The following PIGL variants were observed in gnomAD, a reference collection of about 807,000 sequenced individuals.
The protein encoded by PIGL is N-acetylglucosaminyl-phosphatidylinositol de-N-acetylase.
PIGL carries 22 observed loss-of-function variants against 31.1 expected under a neutral mutation model. The ratio of observed to expected loss-of-function variants is 0.71; its 90% CI spans 0.51 to 1.01. PIGL has a LOEUF of 1.01. Ranked by LOEUF, PIGL falls within the 50% of genes least tolerant of loss-of-function variation. The pLI, the probability that PIGL is intolerant of heterozygous loss-of-function variation, is 0.00. For synonymous variants in PIGL, 131 were observed against 117.4 expected, an observed-to-expected ratio of 1.12 and a Z score of -0.75; for missense variants, 302 against 315.9, an observed-to-expected ratio of 0.96 and a Z score of 0.33.
intron 2 of PIGL, among the ~76,000 whole-genome samples, chr17:16,270,417 G>T (rs1325492208): frequency 2.0e-5 from 3 of 151,542 alleles, no homozygotes; most frequent in Non-Finnish European, 4.4e-5. Context: ...GATCCTCTGT[G>T]ATCCAACAAT....
At chr17:16,292,608 A>G (rs1048839007) in intron 2 of PIGL, among the ~76,000 whole-genome samples, 1 of 152,236 alleles carries the variant, frequency 6.6e-6, no homozygotes, top group Non-Finnish European at 1.5e-5. Context: ...CAACCTTTTT[A>G]CAATACTAAA....
intron 1 of PIGL, among the ~76,000 whole-genome samples, chr17:16,228,349 C>T (rs753374076): frequency 6.6e-5 from 10 of 151,882 alleles, no homozygotes; most frequent in Non-Finnish European, 1.0e-4. Flanking sequence ...TGAGCCACTG[C>T]GCCCAGCGAT....
At chr17:16,267,794 G>T (rs2092851383) in intron 2 of PIGL, among the ~76,000 whole-genome samples, 1 of 152,094 alleles carries the variant, frequency 6.6e-6, no homozygotes, top group South Asian at 2.1e-4. Flanking sequence ...CCCAAGTTTA[G>T]ACTCAATATC....
intron 1 of PIGL, among the ~76,000 whole-genome samples, chr17:16,233,305 G>A (rs1159442113): frequency 6.6e-6 from 1 of 152,020 alleles, no homozygotes; most frequent in Non-Finnish European, 1.5e-5. Context: ...TTATTTGTAA[G>A]GTTACAGAGG....
At chr17:16,266,885 C>T (rs2092846018) in intron 2 of PIGL, among the ~76,000 whole-genome samples, 1 of 143,162 alleles carries the variant, frequency 7.0e-6, no homozygotes, top group African/African-American at 2.6e-5. Flanking sequence ...GCGTGAGCCA[C>T]CACGCCTTGC....
At chr17:16,308,870 C>G (rs971960807) in intron 3 of PIGL, among the ~76,000 whole-genome samples, 3 of 139,332 alleles carry the variant, frequency 2.2e-5, no homozygotes, top group Non-Finnish European at 4.5e-5. Flanking sequence ...CTCACTGTAA[C>G]CTTGGACCCC....
intron 2 of PIGL, among the ~76,000 whole-genome samples, chr17:16,254,590 T>G (rs913158317): frequency 8.7e-5 from 12 of 138,410 alleles, no homozygotes; most frequent in Non-Finnish European, 1.1e-4. Context: ...TTTTTGTTTG[T>G]TTGGTTGGTT....
intron 2 of PIGL, among the ~76,000 whole-genome samples, chr17:16,240,667 C>CT (rs1162915278): frequency 7.5e-4 from 109 of 145,134 alleles, no homozygotes; most frequent in Middle Eastern, 3.5e-3. Context: ...TGCCAGCTAC[C>CT]TTTTTTTTTT....
rs539529105 is a variant in PIGL at position 16,218,789 on chromosome 17, C to G, written c.235+1328C>G. On this transcript the variant is annotated intron_variant, in intron 1 of 6. Coordinates refer to ENST00000225609, the MANE Select transcript of PIGL (RefSeq NM_004278.4). The stretch of plus-strand genomic sequence containing the variant: ...CACCACCCGGGTTCAAGTGATTCTC[C>G]TGCGTCAGCCTGCCAAGTAGCTGGG... Among the ~76,000 whole-genome samples, 15 of 150,890 alleles carry G rather than the reference C, an allele frequency of 9.9e-5. 1 individual carries two copies. Among genetic ancestry groups the G allele is most frequent in the African/African-American group, 3.4e-4 (14 of 41,086 alleles).
chr17:16,316,539 A>T, intron 4 of PIGL, 142 bp from the exon 5 acceptor site: 2 of 728,274 alleles, frequency 2.7e-6, no homozygotes, highest in Non-Finnish European at 4.3e-6. Flanking sequence ...AAATCTATAC[A>T]GTGATTTATG....
At chr17:16,217,627 T>TACACAA in intron 1 of PIGL, 166 bp downstream of exon 1, 2 of 523,082 alleles carry the variant, frequency 3.8e-6, no homozygotes, top group South Asian at 3.3e-5. Flanking sequence ...AGCGGCCGGC[T>TACACAA]TACCTGGTGG....
rs192177404 is a variant in PIGL, at chr17:16,225,106, A to G, written c.235+7645A>G. 9.2e-5 allele frequency among the ~76,000 whole-genome samples: 14 copies of G among 152,314 alleles called. No homozygotes were observed. The East Asian group carries it at 1.7e-3, about 19-fold the overall frequency. Reference sequence around the variant, plus strand: ...TTCTTTACTATCTGTTAATAGTTTTATAATTAAGGTCTTAAATGTGTATTG... The same window carrying G: ...TTCTTTACTATCTGTTAATAGTTTTGTAATTAAGGTCTTAAATGTGTATTG... On this transcript the variant is annotated intron_variant, in intron 1 of 6. Coordinates refer to ENST00000225609, the MANE Select transcript of PIGL (RefSeq NM_004278.4).
chr17:16,228,654 A>C (rs178788), intron 1 of PIGL, among the ~76,000 whole-genome samples: 17 of 151,270 alleles, frequency 1.1e-4, no homozygotes, highest in African/African-American at 3.2e-4. Flanking sequence ...TCCCAAAGTG[A>C]TGGGATTACA....
intron 1 of PIGL, among the ~76,000 whole-genome samples, chr17:16,229,942 A>G (rs1368360924): frequency 7.1e-6 from 1 of 140,258 alleles, no homozygotes; most frequent in Non-Finnish European, 1.5e-5. Flanking sequence ...GCTCACTGCA[A>G]CCTCCACCTC....
chr17:16,269,526 C>T (rs532096352), intron 2 of PIGL, among the ~76,000 whole-genome samples: 70 of 151,884 alleles, frequency 4.6e-4, no homozygotes, highest in Non-Finnish European at 7.6e-4. Context: ...TGGCATGTGC[C>T]GGTAATCCCA....
intron 2 of PIGL, among the ~76,000 whole-genome samples, chr17:16,264,571 G>T (rs906007609): frequency 2.6e-5 from 4 of 151,686 alleles, no homozygotes; most frequent in Non-Finnish European, 5.9e-5. Flanking sequence ...TAACCTTTAA[G>T]TCAAACTAGT....
intron 2 of PIGL, among the ~76,000 whole-genome samples, chr17:16,281,329 C>G (rs1013692426): frequency 6.6e-5 from 10 of 152,292 alleles, no homozygotes; most frequent in Admixed American, 2.0e-4. Context: ...AATGTTCTCC[C>G]TTTTCTAAGA....
chr17:16,258,058 T>A (rs114254638), intron 2 of PIGL, among the ~76,000 whole-genome samples: 2,959 of 107,682 alleles, frequency 0.027, 167 homozygotes, highest in African/African-American at 0.11. Context: ...AGCAAAACTT[T>A]GTCAGAAAGA....
At chr17:16,248,711 A>G (rs1476726442) in intron 2 of PIGL, among the ~76,000 whole-genome samples, 1 of 152,052 alleles carries the variant, frequency 6.6e-6, no homozygotes, top group Non-Finnish European at 1.5e-5. Context: ...AACTCCTCCA[A>G]CCTCTACCCA....
Sources: allele counts gnomAD v4.1 joint callset (sites outside exome capture counted in the v4.1 genomes callset), GRCh38; gene constraint gnomAD v4.1.1; transcripts MANE v1.5; gene names NCBI Gene and HGNC (gene_info 2026-07-23, HGNC 2026-07-21).